The following FKTN variants were observed in gnomAD, a reference collection of about 807,000 sequenced individuals.
FKTN encodes fukutin.
Under a neutral mutation model 58.6 loss-of-function variants are expected in FKTN, and 47 were observed. The ratio of observed to expected loss-of-function variants is 0.80; its 90% CI spans 0.63 to 1.02. FKTN has a LOEUF of 1.02. Ranked by LOEUF, FKTN falls within the 50% of genes least tolerant of loss-of-function variation. FKTN has a pLI of 0.00. For synonymous variants in FKTN, 178 were observed against 191.9 expected (o/e 0.93, Z 0.60); for missense variants, 516 against 537.3 (o/e 0.96, Z 0.39).
chr9:105,563,159 G>A (rs1463066605), intron 1 of FKTN, among the ~76,000 whole-genome samples: 2 of 152,156 alleles, frequency 1.3e-5, no homozygotes, highest in Non-Finnish European at 2.9e-5. Flanking sequence ...GAAGCTGAAA[G>A]AATATGCAGT....
chr9:105,564,670 G>A lies in FKTN; in HGVS notation c.-181+6505G>A, dbSNP rs149887259. On this transcript the variant is annotated intron_variant, in intron 1 of 10. Transcript: ENST00000357998. ...ATGTGAAAAGACCAAATCTGCGTCC[G>A]ATTGGTGTACCTGAAAGTGACAGGG... Among the ~76,000 whole-genome samples the A allele has an allele frequency of 3.3e-3, 509 of 152,316 alleles. 3 individuals are homozygous for A. Among genetic ancestry groups the A allele is most frequent in the African/African-American group, 0.012 (486 of 41,562 alleles).
At chr9:105,615,112 G>A (rs1220753573) in intron 7 of FKTN, among the ~76,000 whole-genome samples, 166 bp from the exon 8 acceptor site, 2 of 152,194 alleles carry the variant, frequency 1.3e-5, no homozygotes, top group African/African-American at 4.8e-5. Flanking sequence ...TTGAACTCCT[G>A]ACCCCAAGTG....
chr9:105,572,480 T>C (rs74789762), intron 1 of FKTN, among the ~76,000 whole-genome samples: 2,756 of 152,292 alleles, frequency 0.018, 73 homozygotes, highest in African/African-American at 0.063. Context: ...CAGCCACATG[T>C]AAGCAGGAAG....
At chr9:105,618,976 G>A (rs1221533767) in intron 9 of FKTN, among the ~76,000 whole-genome samples, 1 of 151,648 alleles carries the variant, frequency 6.6e-6, no homozygotes, top group Non-Finnish European at 1.5e-5. Flanking sequence ...GGAGAATGGC[G>A]TGAACCTGGG....
At chr9:105,608,689 G>A (rs116611018) in intron 7 of FKTN, among the ~76,000 whole-genome samples, 1 of 152,216 alleles carries the variant, frequency 6.6e-6, no homozygotes, top group African/African-American at 2.4e-5. Flanking sequence ...GTATATAACT[G>A]TCAAGTGCCC....
chr9:105,566,412 TAAA>T (rs1839624840), intron 1 of FKTN, among the ~76,000 whole-genome samples: 1 of 151,304 alleles, frequency 6.6e-6, no homozygotes, highest in Non-Finnish European at 1.5e-5. Flanking sequence ...GCAAGACTAA[TAAA>T]GAAGAAAAGA....
Position 105,601,146 on chromosome 9 carries a change from G to C in FKTN, c.167G>C (p.Arg56Pro). 6.4e-7 allele frequency: 1 copy of C among 1,566,970 alleles called. No individual in the cohort carries two copies. Among genetic ancestry groups the C allele is most frequent in the Non-Finnish European group, 8.8e-7 (1 of 1,138,702 alleles). ...SRIGFDSTQW[R>P]AVKKFIMLTS... is the part of the protein sequence containing the mutation. ...GAGAATTCTTTTTCTCTCAAACAGC[G>C]TGCAGTTAAAAAATTTATTATGTTA... Residue 56 changes from arginine (R) to proline (P), a missense_variant and splice_region_variant, in exon 5 of 11, where the codon CGT (arginine) becomes CCT (proline). Coordinates refer to ENST00000357998, the MANE Select transcript of FKTN (RefSeq NM_001079802.2).
At position 105,596,856 on chromosome 9, in the gene FKTN, A is replaced by T. The variant is rs1826900471; in HGVS notation, c.165+199A>T. The T allele has an allele frequency of 8.6e-6, 5 of 583,274 alleles. No homozygotes were observed. In the South Asian group the frequency reaches 1.0e-4, roughly 12 times the overall value. 36.1% of individuals were successfully genotyped at this position (583,274 alleles called of 1,614,324 possible). A position where few individuals can be genotyped will look rare whatever the true frequency, so the allele number is the denominator to read the frequency against. On this transcript the variant is annotated intron_variant, in intron 4 of 10. Transcript: ENST00000357998. ...TTATTTAGTCCCTATAGAAAGTTTA[A>T]GAAGTGAGTAAATATTGTTACTCTC...
intron 10 of FKTN, among the ~76,000 whole-genome samples, chr9:105,620,303 T>TA (rs1228016730): frequency 1.3e-5 from 2 of 152,214 alleles, no homozygotes; most frequent in African/African-American, 4.8e-5. Flanking sequence ...ACAGCTGGTC[T>TA]ATTCTCAGTT....
At chr9:105,631,873 A>T (rs1385400001) in intron 10 of FKTN, among the ~76,000 whole-genome samples, 3 of 150,892 alleles carry the variant, frequency 2.0e-5, no homozygotes, top group African/African-American at 7.3e-5. Context: ...CTCCTCAGGG[A>T]TCTAGAACTG....
In FKTN at chr9:105,640,120, A is replaced by G. The variant is rs886333693; in HGVS notation, c.*4856A>G. On this transcript the variant is annotated 3_prime_UTR_variant, in exon 11 of 11. Transcript: ENST00000357998. Reference sequence around the variant, plus strand: ...AACTAGGCAAGAATCAGCAGGGTGCATGATGCCATTTTAAGCTGCTTCACA... The same window carrying G: ...AACTAGGCAAGAATCAGCAGGGTGCGTGATGCCATTTTAAGCTGCTTCACA... The G allele has an allele frequency of 9.1e-6, 14 of 1,535,446 alleles. No homozygotes were observed. The South Asian group carries it at 1.7e-4, about 18-fold the overall frequency.
At chr9:105,576,429 G>A (rs1841720700) in intron 3 of FKTN, among the ~76,000 whole-genome samples, 1 of 151,408 alleles carries the variant, frequency 6.6e-6, no homozygotes, top group African/African-American at 2.4e-5. Context: ...TTGGTTTTTT[G>A]TTCTTACGAT....
chr9:105,593,388 A>G (rs1845257734), intron 3 of FKTN, among the ~76,000 whole-genome samples: 1 of 152,214 alleles, frequency 6.6e-6, no homozygotes, highest in Admixed American at 6.5e-5. Context: ...ACTGCCTCCA[A>G]CACTGGGGAT....
In FKTN at chr9:105,604,165, T is replaced by C. The variant is rs139910824; in HGVS notation, c.370-50T>C. ...TGCTACTAGTATTTGGCTTTAAATA[T>C]TCAATGTTTAAGTGTTGTTTCTTGA... On this transcript the variant is annotated intron_variant, in intron 5 of 10. Coordinates refer to ENST00000357998, the MANE Select transcript of FKTN (RefSeq NM_001079802.2). The C allele has an allele frequency of 1.4e-5, 22 of 1,592,588 alleles. No homozygotes were observed. The African/African-American group carries it at 2.0e-4, about 15-fold the overall frequency.
At chr9:105,565,213 A>G (rs4534733) in intron 1 of FKTN, among the ~76,000 whole-genome samples, 1 of 152,164 alleles carries the variant, frequency 6.6e-6, no homozygotes, top group African/African-American at 2.4e-5. Context: ...TCTAAAGACC[A>G]TGGATGCTAG....
rs1442275659 is a variant in FKTN, at chr9:105,638,882, CATAG to C, written c.*3623_*3626del. The C allele has an allele frequency of 2.0e-6, 2 of 985,016 alleles. No homozygotes were observed. Among genetic ancestry groups the C allele is most frequent in the South Asian group, 4.7e-5 (1 of 21,278 alleles). 61.0% of individuals were successfully genotyped at this position (985,016 alleles called of 1,614,324 possible). A position where few individuals can be genotyped will look rare whatever the true frequency, so the allele number is the denominator to read the frequency against. On this transcript the variant is annotated 3_prime_UTR_variant, in exon 11 of 11. Transcript: ENST00000357998. Reference sequence around the variant, plus strand: ...CACGACTACAGTACTTCAAATGGCACATAGATAGGCAGGATATTACATAGGTAAG... The same window carrying C: ...CACGACTACAGTACTTCAAATGGCACATAGGCAGGATATTACATAGGTAAG...
chr9:105,577,545 A>G, intron 3 of FKTN, among the ~76,000 whole-genome samples: 1 of 144,338 alleles, frequency 6.9e-6, no homozygotes, highest in Non-Finnish European at 1.5e-5. Flanking sequence ...TTTTGGTACC[A>G]GTACCATGCT....
chr9:105,560,656 A>G (rs1303448961), intron 1 of FKTN, among the ~76,000 whole-genome samples: 3 of 152,150 alleles, frequency 2.0e-5, no homozygotes, highest in African/African-American at 7.2e-5. Context: ...TACATTCACA[A>G]TTTAAGTGTT....
chr9:105,640,348 C>T lies in FKTN; in HGVS notation c.*5084C>T, dbSNP rs564029716. 93 of 475,668 alleles carry T rather than the reference C, an allele frequency of 2.0e-4. No homozygotes were observed. Among genetic ancestry groups the T allele is most frequent in the African/African-American group, 1.5e-3 (73 of 50,144 alleles). 29.5% of individuals were successfully genotyped at this position (475,668 alleles called of 1,614,324 possible). A position where few individuals can be genotyped will look rare whatever the true frequency, so the allele number is the denominator to read the frequency against. ...GGTGGATCACTTGAGGCCAGGAGTTCGAGACCAGCCTGGCCAACATAGTGA... is the reference window on the plus strand; with the variant it reads ...GGTGGATCACTTGAGGCCAGGAGTTTGAGACCAGCCTGGCCAACATAGTGA... On this transcript the variant is annotated 3_prime_UTR_variant, in exon 11 of 11. Transcript: ENST00000357998.
Sources: gnomAD v4.1 joint callset for allele counts (sites outside exome capture counted in the v4.1 genomes callset) on GRCh38, gnomAD v4.1.1 for gene constraint, MANE v1.5 for transcripts, NCBI Gene and HGNC (gene_info 2026-07-23, HGNC 2026-07-21) for gene names.